Variants in RELCH observed in about 807,000 individuals in gnomAD.
The protein encoded by RELCH is RAB11-binding protein RELCH.
In RELCH, 41 loss-of-function variants were observed where a neutral mutation model predicts 150.3. The ratio of observed to expected loss-of-function variants is 0.27; its 90% CI spans 0.21 to 0.35. The LOEUF (loss-of-function observed/expected upper bound fraction) is 0.35. Among genes scored for constraint, RELCH ranks in the 10% least tolerant of loss-of-function variants. RELCH has a pLI of 1.00. For missense variants in RELCH, 1,092 were observed against 1,467.8 expected (o/e 0.74, Z 4.18); for synonymous variants, 478 against 531.8 (o/e 0.90, Z 1.39).
chr18:62,290,865 C>T (rs1296073943), intron 26 of RELCH, among the ~76,000 whole-genome samples: 1 of 152,122 alleles, frequency 6.6e-6, no homozygotes, highest in Non-Finnish European at 1.5e-5. Context: ...ATGGTATCTA[C>T]CTTAGATAAC....
chr18:62,235,075 A>G (rs1009244942), intron 10 of RELCH: 9 of 152,054 alleles, frequency 5.9e-5, no homozygotes, highest in African/African-American at 2.2e-4. Context: ...AGCTAAAGCT[A>G]TGAAACAATT....
chr18:62,254,886 TTGC>T, intron 12 of RELCH, among the ~76,000 whole-genome samples: 1 of 152,266 alleles, frequency 6.6e-6, no homozygotes, highest in South Asian at 2.1e-4. Context: ...CCCCATCATT[TTGC>T]ATTTGCAAAC....
intron 1 of RELCH, among the ~76,000 whole-genome samples, chr18:62,205,488 A>G (rs903519655): frequency 6.6e-6 from 1 of 152,224 alleles, no homozygotes; most frequent in Non-Finnish European, 1.5e-5. Flanking sequence ...AGGTACTCCT[A>G]TAAGGCTTCT....
At chr18:62,235,749 G>A (rs1051360425) in intron 10 of RELCH, among the ~76,000 whole-genome samples, 1 of 151,916 alleles carries the variant, frequency 6.6e-6, no homozygotes, top group African/African-American at 2.4e-5. Flanking sequence ...TTCAAGAAGG[G>A]AAAGGTTTAT....
intron 1 of RELCH, among the ~76,000 whole-genome samples, chr18:62,190,320 C>T (rs1428491474): frequency 6.6e-6 from 1 of 152,178 alleles, no homozygotes; most frequent in East Asian, 1.9e-4. Context: ...GGCTCACGCC[C>T]GTAATCCCAA....
chr18:62,195,990 C>G (rs771785151), intron 1 of RELCH, among the ~76,000 whole-genome samples: 1 of 152,158 alleles, frequency 6.6e-6, no homozygotes, highest in Admixed American at 6.5e-5. Context: ...GCCACCAAGC[C>G]TGGCCTAAAA....
At chr18:62,303,046 C>G (rs561639730) in intron 28 of RELCH, among the ~76,000 whole-genome samples, 1 of 151,866 alleles carries the variant, frequency 6.6e-6, no homozygotes, top group South Asian at 2.1e-4. Flanking sequence ...CCTAGGCCCT[C>G]TAAAACAAGT....
chr18:62,275,458 T>C lies in RELCH; in HGVS notation c.2952T>C (p.Ala984=), dbSNP rs9948159. 9,771 of 1,606,804 alleles carry C rather than the reference T, an allele frequency of 6.1e-3. 156 individuals are homozygous for C. The highest frequency in any genetic ancestry group is 0.042 in the East Asian group (1,862 of 44,676). Reference sequence around the variant, plus strand: ...CTTCAGCACTCGTGAGGTGTACTGCTGCTAGAATGTTTGAGGTATGTCAAC... The same window carrying C: ...CTTCAGCACTCGTGAGGTGTACTGCCGCTAGAATGTTTGAGGTATGTCAAC... ...VHTSALVRCT[A]ARMFELLVKG... The change falls in exon 22 of 29, where the codon GCT becomes GCC. Residue 984 remains alanine, a synonymous_variant. Coordinates refer to ENST00000644646, the MANE Select transcript of RELCH (RefSeq NM_001346231.2).
intron 12 of RELCH, among the ~76,000 whole-genome samples, chr18:62,254,476 G>A (rs920810039): frequency 1.3e-5 from 2 of 149,548 alleles, no homozygotes; most frequent in African/African-American, 2.5e-5. Flanking sequence ...AAAAGCAAAC[G>A]AAAGTTTATG....
chr18:62,243,105 T>C lies in RELCH; in HGVS notation c.1621-1659T>C, dbSNP rs572538190. On this transcript the variant is annotated intron_variant, in intron 10 of 28. Coordinates refer to ENST00000644646, the MANE Select transcript of RELCH (RefSeq NM_001346231.2). Reference sequence around the variant, plus strand: ...CTTCCAGAATAACTACTTTTCATCCTTAAGGTTCTACTCTCAATAGTATAC... The same window carrying C: ...CTTCCAGAATAACTACTTTTCATCCCTAAGGTTCTACTCTCAATAGTATAC... Among the ~76,000 whole-genome samples, 5 of 152,248 alleles carry C rather than the reference T, an allele frequency of 3.3e-5. No individual in the cohort carries two copies. The South Asian group carries it at 6.2e-4, about 19-fold the overall frequency.
chr18:62,266,977 T>C (rs1017100884), intron 19 of RELCH, among the ~76,000 whole-genome samples: 1 of 151,942 alleles, frequency 6.6e-6, no homozygotes, highest in South Asian at 2.1e-4. Flanking sequence ...TATACCTTCA[T>C]TGTAACCAAA....
chr18:62,227,256 G>A (rs781338708), intron 5 of RELCH, 33 bp from the exon 6 acceptor site: 22 of 1,398,712 alleles, frequency 1.6e-5, no homozygotes, highest in Admixed American at 2.2e-5. Context: ...AAATTTCCTC[G>A]AAGATTTTTT....
intron 12 of RELCH, chr18:62,254,619 G>A (rs1332718899): frequency 6.6e-6 from 1 of 152,000 alleles, no homozygotes; most frequent in East Asian, 1.9e-4. Flanking sequence ...TTGGATATCG[G>A]GGATCTATCT....
At chr18:62,247,691 C>T (rs900897893) in intron 11 of RELCH, among the ~76,000 whole-genome samples, 3 of 151,998 alleles carry the variant, frequency 2.0e-5, no homozygotes, top group African/African-American at 7.2e-5. Flanking sequence ...GGACCACAGG[C>T]ATGCATCACC....
At chr18:62,232,473 G>A (rs200709900) in intron 10 of RELCH, 46 bp downstream of exon 10, 3 of 1,164,266 alleles carry the variant, frequency 2.6e-6, no homozygotes, top group Middle Eastern at 2.0e-4. Context: ...CCATCATGTT[G>A]TCCATTTTTT....
At chr18:62,201,402 G>A (rs950289555) in intron 1 of RELCH, among the ~76,000 whole-genome samples, 5 of 151,964 alleles carry the variant, frequency 3.3e-5, no homozygotes, top group Non-Finnish European at 5.9e-5. Context: ...TCTCATGACA[G>A]ATTTTTTTAA....
At chr18:62,225,096 C>T (rs1254805140) in intron 5 of RELCH, among the ~76,000 whole-genome samples, 1 of 151,884 alleles carries the variant, frequency 6.6e-6, no homozygotes, top group East Asian at 1.9e-4. Flanking sequence ...TGCAAAATAC[C>T]TTCCATGCAG....
intron 21 of RELCH, among the ~76,000 whole-genome samples, chr18:62,274,554 A>C (rs1238541421): frequency 6.6e-6 from 1 of 152,164 alleles, no homozygotes; most frequent in Non-Finnish European, 1.5e-5. Flanking sequence ...ACCACCTTTC[A>C]TTTGCATAGG....
At chr18:62,228,685 G>A (rs563513085) in intron 8 of RELCH, 87 bp downstream of exon 8, 17 of 980,044 alleles carry the variant, frequency 1.7e-5, no homozygotes, top group South Asian at 1.2e-4. Flanking sequence ...TATTTAAACC[G>A]CTTTTTTGCA....
Sources: allele counts gnomAD v4.1 joint callset (sites outside exome capture counted in the v4.1 genomes callset), GRCh38; gene constraint gnomAD v4.1.1; transcripts MANE v1.5; gene names NCBI Gene and HGNC (gene_info 2026-07-23, HGNC 2026-07-21).